Variants in IDI1 observed in about 807,000 individuals in gnomAD.
IDI1 encodes isopentenyl-diphosphate delta isomerase 1, also known as isopentenyl-diphosphate Delta-isomerase 1.
Under a neutral mutation model 32.9 loss-of-function variants are expected in IDI1, and 23 were observed. That is an observed-to-expected ratio of 0.70 (90% CI 0.50 to 0.99). IDI1 has a LOEUF of 0.99. IDI1 is among the 50% of genes least tolerant of loss of function. The pLI, the probability that IDI1 is intolerant of heterozygous loss-of-function variation, is 0.00. For synonymous variants in IDI1, 133 were observed against 128.2 expected (o/e 1.04, Z -0.25); for missense variants, 326 against 351.9 (o/e 0.93, Z 0.59).
At chr10:1,044,545 C>G (rs1832740622) in intron 1 of IDI1, among the ~76,000 whole-genome samples, 1 of 152,228 alleles carries the variant, frequency 6.6e-6, no homozygotes. Flanking sequence ...TCTGTAATCT[C>G]TAGAATGTGC....
At chr10:1,045,046 T>A (rs147608994) in intron 1 of IDI1, among the ~76,000 whole-genome samples, 2 of 152,390 alleles carry the variant, frequency 1.3e-5, no homozygotes, top group East Asian at 3.9e-4. Context: ...TTCTTCTCCA[T>A]CCGTTTAAAT....
chr10:1,043,410 T>C lies in IDI1; in HGVS notation c.314-17A>G. On this transcript the variant is annotated splice_polypyrimidine_tract_variant and intron_variant, in intron 2 of 4. Transcript: ENST00000381344. ...GCAATAATCCTGAAAGCAAAAGAAA[T>C]AACAATTATTTTAGCCTTAAGTACC... 3 of 1,519,558 alleles carry C rather than the reference T, an allele frequency of 2.0e-6. No individual in the cohort carries two copies. Among genetic ancestry groups the C allele is most frequent in the Non-Finnish European group, 2.7e-6 (3 of 1,094,126 alleles). The allele number at this position is 1,519,558 out of a possible 1,614,324, so 94.1% of individuals were successfully genotyped here.
intron 1 of IDI1, chr10:1,048,657 C>T (rs1832878376): frequency 1.4e-6 from 2 of 1,411,926 alleles, no homozygotes; most frequent in Non-Finnish European, 1.8e-6. Flanking sequence ...CCTCCGCCTT[C>T]CACGGGGCGC....
chr10:1,046,337 A>G (rs548042009), intron 1 of IDI1, among the ~76,000 whole-genome samples: 1 of 152,200 alleles, frequency 6.6e-6, no homozygotes, highest in African/African-American at 2.4e-5. Flanking sequence ...AGCACAACAC[A>G]TCACCTTTTC....
chr10:1,043,631 T>C (rs1832692433), intron 2 of IDI1: 1 of 658,390 alleles, frequency 1.5e-6, no homozygotes, highest in Admixed American at 2.1e-5. Flanking sequence ...GGCAGTCAAG[T>C]TCCCTATCAA....
At chr10:1,052,016 G>A (rs1320982584), upstream of IDI1, among the ~76,000 whole-genome samples, 1 of 152,156 alleles carries the variant, frequency 6.6e-6, no homozygotes, top group Admixed American at 6.5e-5. Context: ...GGCACTATGG[G>A]CGTGTGCCAC....
At position 1,048,885 on chromosome 10, in the gene IDI1, A is replaced by T; in HGVS notation, c.119T>A (p.Val40Asp). Residue 40 changes from valine (V) to aspartate (D), a missense_variant, in exon 1 of 5, where the codon GTC becomes GAC. Physicochemically the swap from Val to Asp is radical, Grantham distance 152. This residue lies in a region of IDI1 where 121 missense variants were observed against 78.4 expected (regional missense o/e 1.54). Coordinates refer to ENST00000381344, the MANE Select transcript of IDI1 (RefSeq NM_004508.4). ...QSGRHPGPAV[V>D]CGRRLISVLE... ...GTACCTGATCAGCCTCCGGCCACAG[A>T]CAACCGCCGGTCCCGGATGGCGCCC... is the stretch of plus-strand genomic sequence containing the variant. 6.2e-7 allele frequency: 1 copy of T among 1,604,278 alleles called. No individual in the cohort carries two copies. The highest frequency in any genetic ancestry group is 8.5e-7 in the Non-Finnish European group (1 of 1,175,958).
intron 4 of IDI1, 124 bp from the exon 5 acceptor site, chr10:1,041,628 G>C: frequency 2.0e-6 from 1 of 490,794 alleles, no homozygotes; most frequent in Non-Finnish European, 3.5e-6. Flanking sequence ...TTAGAACTTG[G>C]TTAAAGCATT....
chr10:1,053,466 G>A (rs187092260), upstream of IDI1, among the ~76,000 whole-genome samples: 3 of 152,182 alleles, frequency 2.0e-5, no homozygotes, highest in Non-Finnish European at 2.9e-5. Context: ...TCAGAATATT[G>A]TGGCTGGTTT....
Position 1,041,339 on chromosome 10 carries a change from C to T in IDI1, c.703G>A (p.Glu235Lys), listed in dbSNP as rs1168367942. 9 of 1,613,590 alleles carry T rather than the reference C, an allele frequency of 5.6e-6. No individual in the cohort carries two copies. Among genetic ancestry groups the T allele is most frequent in the Non-Finnish European group, 7.6e-6 (9 of 1,179,776 alleles). ...GCTTTTTTCAGAAGTTCTTTTAGTTCTTCCTTTGACACATAACAATAGCTT... is the reference window on the plus strand; with the variant it reads ...GCTTTTTTCAGAAGTTCTTTTAGTTTTTCCTTTGACACATAACAATAGCTT... ...IKSYCYVSKE[E>K]LKELLKKAAS... Residue 235 changes from glutamate to lysine, a missense_variant, in exon 5 of 5, where the codon GAA becomes AAA. Coordinates refer to ENST00000381344, the MANE Select transcript of IDI1 (RefSeq NM_004508.4).
At chr10:1,048,769 T>C in intron 1 of IDI1, 95 bp downstream of exon 1, 1 of 1,520,318 alleles carries the variant, frequency 6.6e-7, no homozygotes, top group Non-Finnish European at 8.8e-7. Flanking sequence ...ACCTCACGGG[T>C]GGCTCAGACC....
chr10:1,048,782 G>A (rs965493033), intron 1 of IDI1, 82 bp downstream of exon 1: 10 of 1,541,370 alleles, frequency 6.5e-6, no homozygotes, highest in African/African-American at 1.4e-5. Context: ...CTCAGACCTC[G>A]GGCCTCCTCC....
rs1010631971 is a variant in IDI1 at position 1,039,446 on chromosome 10, T to G, written c.*1741A>C. ...TGACCAGAATCAAAGAAGTATATAT[T>G]TTGAAGATTAAGAGTTTAAAACAGT... is the stretch of plus-strand genomic sequence containing the variant. On this transcript the variant is annotated 3_prime_UTR_variant, in exon 5 of 5. Coordinates refer to ENST00000381344, the MANE Select transcript of IDI1 (RefSeq NM_004508.4). 2.6e-5 allele frequency: 4 copies of G among 152,194 alleles called. No homozygotes were observed. Among genetic ancestry groups the G allele is most frequent in the Non-Finnish European group, 4.4e-5 (3 of 68,048 alleles). 9.4% of individuals were successfully genotyped at this position (152,194 alleles called of 1,614,324 possible).
Position 1,049,079 on chromosome 10 carries a change from G to A in IDI1, c.-76C>T. The A allele has an allele frequency of 7.0e-7, 1 of 1,421,834 alleles. No individual in the cohort carries two copies. The highest frequency in any genetic ancestry group is 9.1e-7 in the Non-Finnish European group (1 of 1,095,830). 88.1% of individuals were successfully genotyped at this position (1,421,834 alleles called of 1,614,324 possible). A position where few individuals can be genotyped will look rare whatever the true frequency, so the allele number is the denominator to read the frequency against. Reference sequence around the variant, plus strand: ...CTTCGCCTGGTGGTGCCACCTCCCTGGCCTGTGACAACGGCAGACGCGCGA... The same window carrying A: ...CTTCGCCTGGTGGTGCCACCTCCCTAGCCTGTGACAACGGCAGACGCGCGA... On this transcript the variant is annotated 5_prime_UTR_variant, in exon 1 of 5. Coordinates refer to ENST00000381344, the MANE Select transcript of IDI1 (RefSeq NM_004508.4).
chr10:1,044,209 T>C (rs1832727495), intron 1 of IDI1, 38 bp from the exon 2 acceptor site: 1 of 1,521,054 alleles, frequency 6.6e-7, no homozygotes. Context: ...GGCCATCATA[T>C]ATTTTTCTGA....
At chr10:1,044,200 G>C (rs1170006718) in intron 1 of IDI1, 29 bp from the exon 2 acceptor site, 3 of 1,550,170 alleles carry the variant, frequency 1.9e-6, no homozygotes, top group South Asian at 1.2e-5. Flanking sequence ...AGAAAGAAAG[G>C]CCATCATATA....
chr10:1,044,258 C>T, intron 1 of IDI1, 87 bp from the exon 2 acceptor site: 1 of 994,950 alleles, frequency 1.0e-6, no homozygotes, highest in Non-Finnish European at 1.5e-6. Context: ...TGCTGCTTCC[C>T]CATCTGCAGT....
At position 1,041,476 on chromosome 10, in the gene IDI1, G is replaced by T; in HGVS notation, c.566C>A (p.Thr189Lys). Residue 189 changes from threonine (T) to lysine (K), a missense_variant, in exon 5 of 5, where the codon ACA (threonine) becomes AAA (lysine). Physicochemically the swap from Thr to Lys is moderately conservative, Grantham distance 78. Transcript: ENST00000381344. ...AGACTGAGCTTTGTAGTGAATTCGT[G>T]TTAAATAATTAATTTCTTCTGGAGG... ...EVPPEEINYL[T>K]RIHYKAQSDG... is the part of the protein sequence containing the mutation. 2 of 1,570,474 alleles carry T rather than the reference G, an allele frequency of 1.3e-6. No homozygotes were observed. The highest frequency in any genetic ancestry group is 1.7e-6 in the Non-Finnish European group (2 of 1,152,776).
upstream of IDI1, chr10:1,049,222 A>T (rs1326110543): frequency 2.9e-6 from 2 of 698,428 alleles, no homozygotes; most frequent in Non-Finnish European, 4.4e-6. Context: ...GAGACCACAG[A>T]CGCCGCCAGC....
Sources: gnomAD v4.1 joint callset for allele counts (sites outside exome capture counted in the v4.1 genomes callset) on GRCh38, gnomAD v4.1.1 for gene constraint, gnomAD v4.1.1 regional missense constraint, MANE v1.5 for transcripts, NCBI Gene and HGNC (gene_info 2026-07-23, HGNC 2026-07-21) for gene names.